BANP: variants seen among roughly 807,000 people sequenced by gnomAD.
BANP encodes protein BANP.
Under a neutral mutation model 68.1 loss-of-function variants are expected in BANP, and 11 were observed. The observed-to-expected ratio is 0.16, with a 90% CI of 0.10 to 0.27. The LOEUF is 0.27. Ranked by LOEUF, BANP falls within the 10% of genes least tolerant of loss-of-function variation. BANP has a pLI of 1.00. For missense variants in BANP, 504 were observed against 722.7 expected (o/e 0.70, Z 3.47); for synonymous variants, 329 against 303.2 (o/e 1.09, Z -0.88).
rs777474564 is a variant in BANP, at chr16:88,071,761, C to A, written c.1378-308C>A. 1 of 611,698 alleles carries A rather than the reference C, an allele frequency of 1.6e-6. No individual in the cohort carries two copies. The highest frequency in any genetic ancestry group is 1.5e-5 in the South Asian group (1 of 65,944). The allele number at this position is 611,698 out of a possible 1,614,324, so 37.9% of individuals were successfully genotyped here. On this transcript the variant is annotated intron_variant, in intron 12 of 13. Coordinates refer to ENST00000682872, the MANE Select transcript of BANP (RefSeq NM_001386991.1). The surrounding 1 kb of genome is among the most constrained non-coding windows in gnomAD (Gnocchi z 6.5). ...AGGCTCTGTGGCATTTGCTGTTGCT[C>A]TCTTTTTCTGTGGAAGCTCTGCCTT...
At chr16:87,986,733 A>G (rs1207207739) in intron 4 of BANP, among the ~76,000 whole-genome samples, 4 of 152,164 alleles carry the variant, frequency 2.6e-5, no homozygotes, top group Non-Finnish European at 5.9e-5. Flanking sequence ...GGCAAATGAT[A>G]TCATTCACAG....
intron 2 of BANP, among the ~76,000 whole-genome samples, chr16:87,978,077 C>T (rs1325005841): frequency 6.6e-6 from 1 of 152,218 alleles, no homozygotes; most frequent in East Asian, 1.9e-4. Flanking sequence ...CTCAGGTGAT[C>T]CACTCACCTC....
intron 1 of BANP, among the ~76,000 whole-genome samples, chr16:87,970,706 C>A (rs758315679): frequency 7.2e-5 from 11 of 152,272 alleles, no homozygotes; most frequent in Middle Eastern, 3.4e-3. Flanking sequence ...GAATTGCACA[C>A]AAGGCAAGGC....
At chr16:88,052,699 A>T (rs939955256) in intron 11 of BANP, among the ~76,000 whole-genome samples, 2 of 151,762 alleles carry the variant, frequency 1.3e-5, no homozygotes, top group Admixed American at 1.3e-4. Flanking sequence ...CTCGACCACT[A>T]TCATCTCCAT....
At chr16:88,019,029 C>A (rs947910275) in intron 7 of BANP, among the ~76,000 whole-genome samples, 5 of 75,260 alleles carry the variant, frequency 6.6e-5, no homozygotes, top group Non-Finnish European at 2.2e-4. Flanking sequence ...CTGACCCAGG[C>A]CCCCCTGAGC....
At chr16:88,059,905 G>C (rs1211550456) in intron 11 of BANP, among the ~76,000 whole-genome samples, 1 of 152,232 alleles carries the variant, frequency 6.6e-6, no homozygotes, top group South Asian at 2.1e-4. Context: ...GCCACGGCCT[G>C]GTGGGGAAGG....
chr16:88,069,193 G>A (rs929839094), intron 12 of BANP, among the ~76,000 whole-genome samples: 1 of 152,236 alleles, frequency 6.6e-6, no homozygotes, highest in African/African-American at 2.4e-5. Context: ...AGGGGCAGCT[G>A]TGCCGGCAGC....
At chr16:87,973,766 A>AG (rs1377521314) in intron 1 of BANP, among the ~76,000 whole-genome samples, 11 of 147,908 alleles carry the variant, frequency 7.4e-5, no homozygotes, top group Admixed American at 2.0e-4. Flanking sequence ...AAAAAAAAAA[A>AG]AAAAAAAAGA....
chr16:87,984,495 C>G (rs886849836), intron 4 of BANP, among the ~76,000 whole-genome samples: 4 of 152,238 alleles, frequency 2.6e-5, no homozygotes, highest in African/African-American at 4.8e-5. Flanking sequence ...TAAAGCCGAC[C>G]CATGCACCTT....
intron 11 of BANP, among the ~76,000 whole-genome samples, chr16:88,043,097 G>A (rs531986845): frequency 5.9e-5 from 9 of 152,330 alleles, no homozygotes; most frequent in Admixed American, 1.3e-4. Flanking sequence ...GCTTTGTAGA[G>A]CAGAGCCCGT....
intron 11 of BANP, among the ~76,000 whole-genome samples, chr16:88,055,432 G>C (rs1467928297): frequency 6.6e-6 from 1 of 152,216 alleles, no homozygotes; most frequent in African/African-American, 2.4e-5. Flanking sequence ...GCTGACGGCA[G>C]GCTTGGTGAC....
At chr16:87,972,881 A>G (rs1353787401) in intron 1 of BANP, among the ~76,000 whole-genome samples, 1 of 151,904 alleles carries the variant, frequency 6.6e-6, no homozygotes, top group Non-Finnish European at 1.5e-5. Context: ...GGTCCAGAAC[A>G]CTCTGGCCTC....
chr16:88,068,190 G>A (rs899488112), intron 12 of BANP, among the ~76,000 whole-genome samples: 15 of 152,258 alleles, frequency 9.9e-5, no homozygotes, highest in South Asian at 4.2e-4. Flanking sequence ...TGTGTGGCAC[G>A]GGCTCCTGAG....
At chr16:88,054,486 A>T (rs910875803) in intron 11 of BANP, among the ~76,000 whole-genome samples, 4 of 151,738 alleles carry the variant, frequency 2.6e-5, no homozygotes, top group Non-Finnish European at 5.9e-5. Context: ...CCAACAACAC[A>T]TCTATCACAG....
intron 13 of BANP, among the ~76,000 whole-genome samples, chr16:88,075,746 CTTTT>C (rs34974822): frequency 2.5e-5 from 3 of 120,914 alleles, no homozygotes; most frequent in Non-Finnish European, 3.3e-5. Flanking sequence ...TTTTCCTTTA[CTTTT>C]TTTTTTTTTT....
At chr16:88,013,483 T>C (rs2073750908) in intron 6 of BANP, among the ~76,000 whole-genome samples, 1 of 152,026 alleles carries the variant, frequency 6.6e-6, no homozygotes, top group Non-Finnish European at 1.5e-5. Flanking sequence ...GCCCGCCCCA[T>C]GCCTAGTTCC....
intron 11 of BANP, among the ~76,000 whole-genome samples, chr16:88,050,199 C>T (rs894275175): frequency 7.9e-5 from 12 of 152,212 alleles, no homozygotes; most frequent in African/African-American, 2.7e-4. Flanking sequence ...CCCTGTTGCT[C>T]AGGCTGGAGT....
At position 88,076,662 on chromosome 16, in the gene BANP, G is replaced by T. The variant is rs1384208204; in HGVS notation, c.*1G>T. On this transcript the variant is annotated 3_prime_UTR_variant, in exon 14 of 14. Coordinates refer to ENST00000682872, the MANE Select transcript of BANP (RefSeq NM_001386991.1). ...GCACGGGGCCATCCAGATTCAGTGAGCGGTGCCCATGGCACCAGGAGCCCC... is the reference window on the plus strand; with the variant it reads ...GCACGGGGCCATCCAGATTCAGTGATCGGTGCCCATGGCACCAGGAGCCCC... 1.9e-6 allele frequency: 3 copies of T among 1,607,100 alleles called. No individual in the cohort carries two copies. Among genetic ancestry groups the T allele is most frequent in the East Asian group, 4.5e-5 (2 of 44,864 alleles).
At chr16:88,076,381 C>T (rs1026038039) in intron 13 of BANP, among the ~76,000 whole-genome samples, 7 of 139,958 alleles carry the variant, frequency 5.0e-5, no homozygotes, top group Non-Finnish European at 9.4e-5. Context: ...CCGGAGCCTC[C>T]CTGGGCGCCA....
Sources: gnomAD v4.1 joint callset for allele counts (sites outside exome capture counted in the v4.1 genomes callset) on GRCh38, gnomAD v4.1.1 for gene constraint, Gnocchi (gnomAD v3.1) non-coding constraint, MANE v1.5 for transcripts, NCBI Gene and HGNC (gene_info 2026-07-23, HGNC 2026-07-21) for gene names.